TBC1D31: variants seen among roughly 807,000 people sequenced by gnomAD.
TBC1D31 encodes the protein TBC1 domain family member 31.
In TBC1D31, 99 loss-of-function variants were observed where a neutral mutation model predicts 132.9. The observed-to-expected ratio is 0.74, with a 90% CI of 0.63 to 0.88. The LOEUF (loss-of-function observed/expected upper bound fraction) is 0.88, where lower values mean the gene tolerates loss of function less well. Among genes scored for constraint, TBC1D31 ranks in the 40% least tolerant of loss-of-function variants. The pLI is 0.00. For synonymous variants in TBC1D31, 385 were observed against 419.4 expected (o/e 0.92, Z 1.00); for missense variants, 1,134 against 1,256.6 (o/e 0.90, Z 1.48).
chr8:123,134,825 T>G (rs1435350929), intron 17 of TBC1D31, among the ~76,000 whole-genome samples: 2 of 152,212 alleles, frequency 1.3e-5, no homozygotes, highest in Admixed American at 6.5e-5. Flanking sequence ...GACTACAAAA[T>G]TATCTCAATA....
intron 10 of TBC1D31, among the ~76,000 whole-genome samples, chr8:123,114,293 TTG>T (rs1818716487): frequency 6.6e-6 from 1 of 151,202 alleles, no homozygotes; most frequent in African/African-American, 2.4e-5. Context: ...CAGTTTTTTG[TTG>T]TTGTTTTCTG....
At chr8:123,126,029 AT>A in intron 11 of TBC1D31, 26 bp from the exon 12 acceptor site, 2 of 1,547,528 alleles carry the variant, frequency 1.3e-6, no homozygotes, top group Non-Finnish European at 1.7e-6. Flanking sequence ...ATATTTAAAG[AT>A]ATGTTTTCTT....
At chr8:123,081,780 G>A (rs986987456) in intron 2 of TBC1D31, among the ~76,000 whole-genome samples, 3 of 152,142 alleles carry the variant, frequency 2.0e-5, no homozygotes, top group Non-Finnish European at 4.4e-5. Context: ...GGGTTTCCCC[G>A]TATAAAACCA....
intron 20 of TBC1D31, among the ~76,000 whole-genome samples, chr8:123,145,069 G>A (rs1286254818): frequency 6.6e-6 from 1 of 152,004 alleles, no homozygotes; most frequent in Non-Finnish European, 1.5e-5. Flanking sequence ...GACCATAGGC[G>A]TGTATCCCCA....
At chr8:123,157,124 C>T (rs1442655126), downstream of TBC1D31, among the ~76,000 whole-genome samples, 1 of 152,176 alleles carries the variant, frequency 6.6e-6, no homozygotes, top group African/African-American at 2.4e-5. Flanking sequence ...GGTCCCAGGA[C>T]ACTCGTCGCA....
intron 20 of TBC1D31, among the ~76,000 whole-genome samples, chr8:123,147,382 AG>A (rs1376856227): frequency 6.6e-6 from 1 of 152,102 alleles, no homozygotes; most frequent in Non-Finnish European, 1.5e-5. Context: ...CATGTTGGGC[AG>A]GGTGGTCTCA....
intron 1 of TBC1D31, among the ~76,000 whole-genome samples, chr8:123,075,339 G>A (rs1238605019): frequency 1.3e-5 from 2 of 152,180 alleles, no homozygotes; most frequent in Non-Finnish European, 2.9e-5. Context: ...TGGAGAAAAT[G>A]TTTAATCCAC....
chr8:123,107,790 A>C (rs1027287345), intron 8 of TBC1D31, among the ~76,000 whole-genome samples: 1 of 152,240 alleles, frequency 6.6e-6, no homozygotes, highest in Non-Finnish European at 1.5e-5. Flanking sequence ...AGTTCTAAAA[A>C]GTAGGTCAAA....
At chr8:123,128,958 C>A in intron 14 of TBC1D31, 108 bp from the exon 15 acceptor site, 1 of 688,552 alleles carries the variant, frequency 1.5e-6, no homozygotes, top group Admixed American at 3.5e-5. Flanking sequence ...ATAGTTAATT[C>A]TTGCATATGG....
At position 123,097,192 on chromosome 8, in the gene TBC1D31, T is replaced by C. The variant is rs563416367; in HGVS notation, c.672-90T>C. 3.8e-4 allele frequency: 529 copies of C among 1,388,750 alleles called. 1 individual carries two copies. The African/African-American group carries it at 4.8e-3, about 12-fold the overall frequency. 86.0% of individuals were successfully genotyped at this position (1,388,750 alleles called of 1,614,324 possible). ...ACCATATTGCATAGCATAGACACAG[T>C]ACATTTCTGTCATCATAGAAAGTTC... On this transcript the variant is annotated intron_variant, in intron 5 of 21. Transcript: ENST00000287380.
chr8:123,121,605 G>A (rs573705980), intron 11 of TBC1D31, among the ~76,000 whole-genome samples: 3 of 152,056 alleles, frequency 2.0e-5, no homozygotes, highest in Admixed American at 6.6e-5. Context: ...CTGTGCTCTC[G>A]TTCCTGCCCT....
At chr8:123,084,659 G>C (rs1436644895) in intron 4 of TBC1D31, among the ~76,000 whole-genome samples, 5 of 152,078 alleles carry the variant, frequency 3.3e-5, no homozygotes, top group Non-Finnish European at 7.4e-5. Context: ...AGATTTGTGA[G>C]AATTTTTGAA....
At chr8:123,157,926 G>C in the TBC1D31 span, among the ~76,000 whole-genome samples, 9 of 151,924 alleles carry the variant, frequency 5.9e-5, no homozygotes, top group Admixed American at 1.3e-4. Context: ...AAGACTTTCT[G>C]ACTGCAAGAC....
At chr8:123,081,481 C>T (rs538861728) in intron 2 of TBC1D31, among the ~76,000 whole-genome samples, 155 of 152,266 alleles carry the variant, frequency 1.0e-3, no homozygotes, top group Middle Eastern at 6.8e-3. Flanking sequence ...AATTAAAATA[C>T]ACAGTGGATT....
downstream of TBC1D31, among the ~76,000 whole-genome samples, chr8:123,154,309 A>C (rs994445872): frequency 6.6e-6 from 1 of 152,234 alleles, no homozygotes; most frequent in African/African-American, 2.4e-5. Context: ...GAAGACGTAA[A>C]GAGAACTCTA....
intron 4 of TBC1D31, among the ~76,000 whole-genome samples, chr8:123,089,450 C>T (rs181333857): frequency 3.5e-4 from 53 of 152,324 alleles, no homozygotes; most frequent in Admixed American, 9.1e-4. Flanking sequence ...GTGGCAGGCA[C>T]ATGGGCTCAT....
intron 4 of TBC1D31, among the ~76,000 whole-genome samples, chr8:123,086,781 A>G (rs1422051019): frequency 6.7e-6 from 1 of 150,312 alleles, no homozygotes; most frequent in East Asian, 1.9e-4. Context: ...GTGCAGTGAC[A>G]CAATGTCAGC....
chr8:123,103,293 ATATAAG>A (rs1380269618), intron 7 of TBC1D31: 3 of 152,192 alleles, frequency 2.0e-5, no homozygotes, highest in Non-Finnish European at 2.9e-5. Flanking sequence ...TATGTATACT[ATATAAG>A]TATATTTTTA....
intron 17 of TBC1D31, 108 bp from the exon 18 acceptor site, chr8:123,140,653 G>T: frequency 8.6e-5 from 72 of 837,992 alleles, no homozygotes; most frequent in East Asian, 1.8e-4. Flanking sequence ...TTGAAAATTA[G>T]ATGATTACAG....
Sources: allele counts gnomAD v4.1 joint callset (sites outside exome capture counted in the v4.1 genomes callset), GRCh38; gene constraint gnomAD v4.1.1; transcripts MANE v1.5; gene names NCBI Gene and HGNC (gene_info 2026-07-23, HGNC 2026-07-21).